Variants in RB1CC1 observed in about 807,000 individuals in gnomAD.
RB1CC1 encodes the protein RB1 inducible coiled-coil 1.
Under a neutral mutation model 177.5 loss-of-function variants are expected in RB1CC1, and 46 were observed. The observed-to-expected ratio is 0.26, with a 90% CI of 0.20 to 0.33. The LOEUF is 0.33. RB1CC1 is among the 10% of genes least tolerant of loss of function. The probability of loss-of-function intolerance (pLI) is 1.00; values close to 1 mark genes in which losing one functional copy is unlikely to be tolerated. For missense variants in RB1CC1, 1,703 were observed against 1,816.3 expected (o/e 0.94, Z 1.13); for synonymous variants, 666 against 613.6 (o/e 1.09, Z -1.26).
chr8:52,671,046 T>C (rs922357145), intron 7 of RB1CC1, among the ~76,000 whole-genome samples: 11 of 152,220 alleles, frequency 7.2e-5, no homozygotes, highest in Admixed American at 6.5e-5. Flanking sequence ...AAATTTTTTC[T>C]GACAGATAAA....
intron 6 of RB1CC1, among the ~76,000 whole-genome samples, chr8:52,675,895 A>G (rs1563423697): frequency 6.6e-6 from 1 of 151,086 alleles, no homozygotes; most frequent in Non-Finnish European, 1.5e-5. Context: ...TCAGAAAAAA[A>G]AAAAAAAAAA....
At chr8:52,647,434 CT>C (rs1384017826) in intron 15 of RB1CC1, among the ~76,000 whole-genome samples, 18 of 152,132 alleles carry the variant, frequency 1.2e-4, no homozygotes, top group Admixed American at 1.1e-3. Context: ...TCCTTTGGGG[CT>C]GAAGAAGAGG....
Position 52,645,766 on chromosome 8 carries a change from T to C in RB1CC1, c.3923A>G (p.Glu1308Gly). 1.2e-6 allele frequency: 2 copies of C among 1,611,572 alleles called. No individual in the cohort carries two copies. The highest frequency in any genetic ancestry group is 8.5e-7 in the Non-Finnish European group (1 of 1,179,324). ...EKAKFLEQLE[E>G]QEKRKNEEMQ... ...TTCTTCATTCTTTCTTTTTTCTTGC[T>C]CTTCAAGTTGTTCTAGAAACTTAGC... Residue 1308 changes from glutamate (E) to glycine (G), a missense_variant, in exon 16 of 24, where the codon GAG becomes GGG. This residue lies in a region of RB1CC1 where 1,169 missense variants were observed against 1,184.7 expected (regional missense o/e 0.99). Transcript: ENST00000025008.
intron 13 of RB1CC1, 126 bp downstream of exon 13, chr8:52,658,747 G>T: frequency 1.9e-6 from 1 of 529,848 alleles, no homozygotes; most frequent in Non-Finnish European, 3.1e-6. Context: ...TCACAGGAAA[G>T]CCAGTCTATC....
chr8:52,634,857 A>G, intron 20 of RB1CC1, 64 bp downstream of exon 20: 2 of 1,344,008 alleles, frequency 1.5e-6, no homozygotes, highest in Non-Finnish European at 2.1e-6. Flanking sequence ...ATATCTTCAT[A>G]ATGAAATATA....
chr8:52,635,676 A>C (rs531478134), intron 19 of RB1CC1, among the ~76,000 whole-genome samples: 66 of 152,250 alleles, frequency 4.3e-4, no homozygotes, highest in African/African-American at 1.5e-3. Flanking sequence ...TAGATGTTTA[A>C]AATTGCCATT....
chr8:52,626,853 G>C (rs1848428922), intron 22 of RB1CC1, among the ~76,000 whole-genome samples: 1 of 152,172 alleles, frequency 6.6e-6, no homozygotes, highest in East Asian at 1.9e-4. Flanking sequence ...GAATTTGCCA[G>C]CCTGGCCAAC....
chr8:52,695,116 AAAG>A (rs1437020369), intron 1 of RB1CC1, among the ~76,000 whole-genome samples: 2 of 152,222 alleles, frequency 1.3e-5, no homozygotes, highest in Non-Finnish European at 1.5e-5. Flanking sequence ...ACAAATCTAA[AAAG>A]AAGACAGTAT....
intron 18 of RB1CC1, among the ~76,000 whole-genome samples, chr8:52,638,583 C>A (rs952487106): frequency 2.6e-5 from 4 of 151,970 alleles, no homozygotes; most frequent in African/African-American, 9.7e-5. Flanking sequence ...ATATTAACCA[C>A]CAGACTTCTG....
rs542628218 is a variant in RB1CC1, at chr8:52,669,482, T to C, written c.1003-1291A>G. On this transcript the variant is annotated intron_variant, in intron 7 of 23. Transcript: ENST00000025008. Reference sequence around the variant, plus strand: ...CATAGAGTCTTGTACACAGAGAACATACAAAAGCAATTAAACTAAACTATT... The same window carrying C: ...CATAGAGTCTTGTACACAGAGAACACACAAAAGCAATTAAACTAAACTATT... Among the ~76,000 whole-genome samples, 9 of 152,264 alleles carry C rather than the reference T, an allele frequency of 5.9e-5. No homozygotes were observed. The South Asian group carries it at 1.2e-3, about 21-fold the overall frequency.
At chr8:52,631,164 G>C (rs75249661) in intron 20 of RB1CC1, among the ~76,000 whole-genome samples, 2,376 of 152,106 alleles carry the variant, frequency 0.016, 60 homozygotes, top group African/African-American at 0.053. Context: ...AAGGGGATGG[G>C]GTTGATTTAC....
In RB1CC1 at chr8:52,656,378, G is replaced by A; in HGVS notation, c.3451C>T (p.Leu1151Phe). 6.2e-7 allele frequency: 1 copy of A among 1,610,812 alleles called. No homozygotes were observed. The highest frequency in any genetic ancestry group is 2.2e-5 in the East Asian group (1 of 44,800). Reference sequence around the variant, plus strand: ...GTTACTTTGTTTAATTCAGCTTTAAGTATATTAGATTCTTCTTCATGTCTA... The same window carrying A: ...GTTACTTTGTTTAATTCAGCTTTAAATATATTAGATTCTTCTTCATGTCTA... The part of the protein sequence containing the change: ...ISRHEEESNI[L>F]KAELNKVTSL... The change falls in exon 15 of 24, where the codon CTT becomes TTT. Residue 1151 changes from leucine to phenylalanine, a missense_variant. By Grantham distance (22) the Leu-to-Phe change is conservative. Coordinates refer to ENST00000025008, the MANE Select transcript of RB1CC1 (RefSeq NM_014781.5).
At chr8:52,645,136 C>CTAT (rs1849904372) in intron 16 of RB1CC1, among the ~76,000 whole-genome samples, 1 of 152,138 alleles carries the variant, frequency 6.6e-6, no homozygotes, top group Non-Finnish European at 1.5e-5. Context: ...CTACCTCTTA[C>CTAT]TATTGACCAA....
At chr8:52,692,843 A>G (rs1563452695) in intron 1 of RB1CC1, among the ~76,000 whole-genome samples, 1 of 152,240 alleles carries the variant, frequency 6.6e-6, no homozygotes, top group Non-Finnish European at 1.5e-5. Flanking sequence ...AGAGTGGAAT[A>G]ACAGAACACT....
rs766984654 is a variant in RB1CC1 at position 52,668,033 on chromosome 8, T to C, written c.1161A>G (p.Lys387=). 1 of 1,613,620 alleles carries C rather than the reference T, an allele frequency of 6.2e-7. No homozygotes were observed. The highest frequency in any genetic ancestry group is 8.5e-7 in the Non-Finnish European group (1 of 1,179,818). Reference sequence around the variant, plus strand: ...CTAAAATAGGTACCTGAGCAAGCTCTTTCTGTTCATTCACCAGTCGGCCAC... The same window carrying C: ...CTAAAATAGGTACCTGAGCAAGCTCCTTCTGTTCATTCACCAGTCGGCCAC... ...ASCGRLVNEQ[K]ELAQGFLANQ... Residue 387 remains lysine, a synonymous_variant, in exon 8 of 24, where the codon AAA becomes AAG. Coordinates refer to ENST00000025008, the MANE Select transcript of RB1CC1 (RefSeq NM_014781.5).
chr8:52,655,966 G>A (rs999040928), intron 15 of RB1CC1, 42 bp downstream of exon 15: 22 of 1,425,644 alleles, frequency 1.5e-5, no homozygotes, highest in Non-Finnish European at 2.1e-5. Context: ...ACGAATCACT[G>A]ATATTTTAAT....
intron 1 of RB1CC1, among the ~76,000 whole-genome samples, chr8:52,712,347 TAG>T (rs1857127481): frequency 1.3e-5 from 2 of 152,150 alleles, no homozygotes; most frequent in Admixed American, 1.3e-4. Context: ...AAGTTAATAT[TAG>T]AGTCTAAAAA....
Position 52,657,090 on chromosome 8 carries a change from A to G in RB1CC1, c.2739T>C (p.Phe913=). The G allele has an allele frequency of 6.2e-7, 1 of 1,610,862 alleles. No individual in the cohort carries two copies. Among genetic ancestry groups the G allele is most frequent in the South Asian group, 1.1e-5 (1 of 90,338 alleles). Residue 913 remains phenylalanine, a synonymous_variant, in exon 15 of 24, where the codon TTT becomes TTC. Coordinates refer to ENST00000025008, the MANE Select transcript of RB1CC1 (RefSeq NM_014781.5). The part of the protein sequence containing the change: ...EEVLQNKDNE[F]ALVKHEKEAV... ...CTTCTTTTTCATGTTTAACCAAAGCAAATTCATTATCTTTATTTTGTAAAA... is the reference window on the plus strand; with the variant it reads ...CTTCTTTTTCATGTTTAACCAAAGCGAATTCATTATCTTTATTTTGTAAAA...
Position 52,623,512 on chromosome 8 carries a change from A to C in RB1CC1, c.*270T>G. On this transcript the variant is annotated 3_prime_UTR_variant, in exon 24 of 24. Coordinates refer to ENST00000025008, the MANE Select transcript of RB1CC1 (RefSeq NM_014781.5). Reference sequence around the variant, plus strand: ...AATGCACAAGGTATGCCCTTTGAGAAAATGAAGTAGTTTGGTCCGCATTTC... The same window carrying C: ...AATGCACAAGGTATGCCCTTTGAGACAATGAAGTAGTTTGGTCCGCATTTC... 4.7e-6 allele frequency: 2 copies of C among 427,790 alleles called. No homozygotes were observed. The highest frequency in any genetic ancestry group is 8.8e-6 in the Non-Finnish European group (2 of 227,440). 26.5% of individuals were successfully genotyped at this position (427,790 alleles called of 1,614,324 possible). A position where few individuals can be genotyped will look rare whatever the true frequency, so the allele number is the denominator to read the frequency against.
Sources: allele counts gnomAD v4.1 joint callset (sites outside exome capture counted in the v4.1 genomes callset), GRCh38; gene constraint gnomAD v4.1.1; regional missense constraint gnomAD v4.1.1; transcripts MANE v1.5; gene names NCBI Gene and HGNC (gene_info 2026-07-23, HGNC 2026-07-21).